AGAP1: variants seen among roughly 807,000 people sequenced by gnomAD.
AGAP1 encodes ArfGAP with GTPase domain, ankyrin repeat and PH domain 1.
A neutral mutation model predicts 105.3 loss-of-function variants in AGAP1; 29 were observed. The observed-to-expected ratio is 0.28, with a 90% CI of 0.21 to 0.38. The LOEUF is 0.38. AGAP1 is among the 10% of genes least tolerant of loss of function. AGAP1 has a pLI of 1.00. For missense variants in AGAP1, 998 were observed against 1,165.1 expected, an observed-to-expected ratio of 0.86 and a Z score of 2.09; for synonymous variants, 509 against 485.9, an observed-to-expected ratio of 1.05 and a Z score of -0.63.
Position 235,960,769 on chromosome 2 carries a change from T to C in AGAP1, c.1484-7693T>C, listed in dbSNP as rs1237757249. Reference sequence around the variant, plus strand: ...CGGCCAGCTCCTAGGGCACGCTTGGTGCGTGGGGACACTCAACAGGGAGAT... The same window carrying C: ...CGGCCAGCTCCTAGGGCACGCTTGGCGCGTGGGGACACTCAACAGGGAGAT... On this transcript the variant is annotated intron_variant, in intron 12 of 17. Coordinates refer to ENST00000304032, the MANE Select transcript of AGAP1 (RefSeq NM_001037131.3). This position sits in a 1 kb window ranked among gnomAD's most constrained non-coding sequence, Gnocchi z 4.9. 6.6e-6 allele frequency among the ~76,000 whole-genome samples: 1 copy of C among 152,196 alleles called. No homozygotes were observed. The highest frequency in any genetic ancestry group is 1.5e-5 in the Non-Finnish European group (1 of 68,042).
rs61257818 is a variant in AGAP1, at chr2:235,867,536, AGTGTGTGTGT to A, written c.1051-15779_1051-15770del. 1.4e-4 allele frequency among the ~76,000 whole-genome samples: 17 copies of A among 123,330 alleles called. No homozygotes were observed. The highest frequency in any genetic ancestry group is 2.8e-4 in the East Asian group (1 of 3,516). The allele number at this position is 123,330 out of a possible 152,430, so 80.9% of individuals were successfully genotyped here. A position where few individuals can be genotyped will look rare whatever the true frequency, so the allele number is the denominator to read the frequency against. On this transcript the variant is annotated intron_variant, in intron 9 of 17. Coordinates refer to ENST00000304032, the MANE Select transcript of AGAP1 (RefSeq NM_001037131.3). The surrounding 1 kb of genome is among the most constrained non-coding windows in gnomAD (Gnocchi z 5.4). Reference sequence around the variant, plus strand: ...ATCATACACCTTATGCTGGTGCTGCAGTGTGTGTGTGTGTGTGTGTGTGTGTGTGTGTGTG... The same window carrying A: ...ATCATACACCTTATGCTGGTGCTGCAGTGTGTGTGTGTGTGTGTGTGTGTG...
In AGAP1 at chr2:236,082,645, G is replaced by C. The variant is rs550176417; in HGVS notation, c.2114+33364G>C. On this transcript the variant is annotated intron_variant, in intron 16 of 17. Transcript: ENST00000304032. This position sits in a 1 kb window ranked among gnomAD's most constrained non-coding sequence, Gnocchi z 4.2. ...TCCCAACACTTTGGGAGGCCAAGAC[G>C]GGTGGATCACCTGAGGCCAGGAGTT... 6.6e-6 allele frequency among the ~76,000 whole-genome samples: 1 copy of C among 152,196 alleles called. No individual in the cohort carries two copies. Among genetic ancestry groups the C allele is most frequent in the Non-Finnish European group, 1.5e-5 (1 of 68,046 alleles).
intron 9 of AGAP1, among the ~76,000 whole-genome samples, chr2:235,834,514 C>T (rs1157413165): frequency 6.6e-6 from 1 of 152,234 alleles, no homozygotes; most frequent in Non-Finnish European, 1.5e-5. Context: ...AGAGCCCTGT[C>T]CTCCTCTGCA....
intron 9 of AGAP1, among the ~76,000 whole-genome samples, chr2:235,809,137 G>A (rs564142695): frequency 3.9e-5 from 6 of 152,152 alleles, no homozygotes; most frequent in East Asian, 1.9e-4. Context: ...CCAGCCTGGC[G>A]GGAGTCCCTC....
At chr2:235,894,742 T>G (rs2050722702) in intron 10 of AGAP1, among the ~76,000 whole-genome samples, 1 of 152,190 alleles carries the variant, frequency 6.6e-6, no homozygotes, top group African/African-American at 2.4e-5. Flanking sequence ...CCTTCCATCT[T>G]AAGATCTCTT....
chr2:235,910,795 T>G (rs2051568239), intron 11 of AGAP1, among the ~76,000 whole-genome samples: 1 of 152,062 alleles, frequency 6.6e-6, no homozygotes, highest in Non-Finnish European at 1.5e-5. Context: ...TGTGCGCCTG[T>G]AATTCCAGCT....
At chr2:235,763,845 T>A (rs1171620394) in intron 6 of AGAP1, among the ~76,000 whole-genome samples, 1 of 152,240 alleles carries the variant, frequency 6.6e-6, no homozygotes, top group Non-Finnish European at 1.5e-5. Flanking sequence ...AAAGGTGTAC[T>A]CCTGAGGATG....
rs1010283978 is a variant in AGAP1, at chr2:235,740,148, C to T, written c.311-815C>T. On this transcript the variant is annotated intron_variant, in intron 3 of 17. Coordinates refer to ENST00000304032, the MANE Select transcript of AGAP1 (RefSeq NM_001037131.3). The surrounding 1 kb of genome is among the most constrained non-coding windows in gnomAD (Gnocchi z 5.7). ...AGAGGAGCCAGGGTGGAATCCTTCC[C>T]GCTGCCCAGCAGGAGCAGGGCTGGC... 2.6e-5 allele frequency among the ~76,000 whole-genome samples: 4 copies of T among 152,148 alleles called. No homozygotes were observed. The highest frequency in any genetic ancestry group is 6.5e-5 in the Admixed American group (1 of 15,284).
At chr2:235,695,818 T>TGTC (rs1314819288) in intron 1 of AGAP1, among the ~76,000 whole-genome samples, 1 of 152,194 alleles carries the variant, frequency 6.6e-6, no homozygotes, top group African/African-American at 2.4e-5. Context: ...GAGGGGTCAC[T>TGTC]GTCCTTCACA....
intron 1 of AGAP1, among the ~76,000 whole-genome samples, chr2:235,673,549 C>T (rs957342057): frequency 9.9e-5 from 15 of 152,166 alleles, no homozygotes; most frequent in Admixed American, 9.2e-4. Context: ...TATCCATACT[C>T]AGTGAAATAA....
intron 13 of AGAP1, among the ~76,000 whole-genome samples, chr2:236,019,970 G>T (rs1308906929): frequency 6.6e-6 from 1 of 152,210 alleles, no homozygotes; most frequent in Admixed American, 6.5e-5. Context: ...TCCAGGCTCA[G>T]ATGGGTTCTC....
chr2:236,103,273 G>A (rs1053823992), intron 16 of AGAP1, among the ~76,000 whole-genome samples: 3 of 152,122 alleles, frequency 2.0e-5, no homozygotes, highest in Non-Finnish European at 2.9e-5. Flanking sequence ...CAGTCACCCC[G>A]GGTGCCAAGC....
chr2:235,702,144 G>A (rs1950287590), intron 1 of AGAP1, among the ~76,000 whole-genome samples: 2 of 152,072 alleles, frequency 1.3e-5, no homozygotes, highest in Non-Finnish European at 2.9e-5. Context: ...ACAGAATTGG[G>A]GGCTGGGCTG....
intron 1 of AGAP1, among the ~76,000 whole-genome samples, chr2:235,516,581 AG>A (rs1191596081): frequency 3.3e-5 from 5 of 152,196 alleles, no homozygotes; most frequent in Admixed American, 1.3e-4. Context: ...GCCTGAGCGT[AG>A]TTCATGCCGC....
At chr2:235,849,921 G>T (rs1191988424) in intron 9 of AGAP1, among the ~76,000 whole-genome samples, 1 of 152,138 alleles carries the variant, frequency 6.6e-6, no homozygotes, top group East Asian at 1.9e-4. Context: ...CTCTCACCAC[G>T]ACTCTTTCTT....
intron 6 of AGAP1, among the ~76,000 whole-genome samples, chr2:235,779,009 A>G (rs1956088284): frequency 1.3e-5 from 2 of 152,210 alleles, no homozygotes; most frequent in African/African-American, 4.8e-5. Flanking sequence ...AGATAAGGAA[A>G]CTGAGCCACA....
At chr2:235,821,246 A>T (rs1958770175) in intron 9 of AGAP1, among the ~76,000 whole-genome samples, 1 of 152,250 alleles carries the variant, frequency 6.6e-6, no homozygotes, top group Non-Finnish European at 1.5e-5. Flanking sequence ...AATACCCTTT[A>T]GAGATAAGTG....
At chr2:235,683,174 G>GCA (rs1235855869) in intron 1 of AGAP1, among the ~76,000 whole-genome samples, 1 of 151,764 alleles carries the variant, frequency 6.6e-6, no homozygotes, top group Non-Finnish European at 1.5e-5. Context: ...GGACATGGTG[G>GCA]CACACACTTG....
At position 235,967,967 on chromosome 2, in the gene AGAP1, G is replaced by A. The variant is rs931623881; in HGVS notation, c.1484-495G>A. On this transcript the variant is annotated intron_variant, in intron 12 of 17. Transcript: ENST00000304032. This position sits in a 1 kb window ranked among gnomAD's most constrained non-coding sequence, Gnocchi z 4.7. ...GAATTTTTCACTGATAATAAAACAA[G>A]ATGAAGTTATAGTCATCTGTAATAT... is the stretch of plus-strand genomic sequence containing the variant. Among the ~76,000 whole-genome samples the A allele has an allele frequency of 1.3e-5, 2 of 152,202 alleles. No individual in the cohort carries two copies. Among genetic ancestry groups the A allele is most frequent in the African/African-American group, 4.8e-5 (2 of 41,456 alleles).
Sources: allele counts gnomAD v4.1 joint callset (sites outside exome capture counted in the v4.1 genomes callset), GRCh38; gene constraint gnomAD v4.1.1; non-coding constraint Gnocchi (gnomAD v3.1); transcripts MANE v1.5; gene names NCBI Gene and HGNC (gene_info 2026-07-23, HGNC 2026-07-21).